CYLC1: variants seen among roughly 807,000 people sequenced by gnomAD.
CYLC1 encodes cylicin 1.
In CYLC1, 2 loss-of-function variants were observed where a neutral mutation model predicts 31.6. That is an observed-to-expected ratio of 0.06 (90% CI 0.03 to 0.20). The LOEUF is 0.20. Among genes scored for constraint, CYLC1 ranks in the 10% least tolerant of loss-of-function variants. CYLC1 has a pLI of 1.00. For missense variants in CYLC1, 595 were observed against 424.1 expected (o/e 1.40, Z -3.54); for synonymous variants, 185 against 153.0 (o/e 1.21, Z -1.54).
At chrX:83,882,098 C>G (rs1315726325) in intron 4 of CYLC1, among the ~76,000 whole-genome samples, 1 of 111,154 alleles carries the variant, frequency 9.0e-6, no homozygotes, top group Non-Finnish European at 1.9e-5. Context: ...AACTGAATGC[C>G]CCAGACAGAC....
chrX:83,871,630 TA>T, intron 3 of CYLC1, 60 bp downstream of exon 3: 3 of 1,050,242 alleles, frequency 2.9e-6, no homozygotes, highest in Non-Finnish European at 3.9e-6. Context: ...CATATATAAA[TA>T]TAAGTAAGGC....
At position 83,869,847 on chromosome X, in the gene CYLC1, A is replaced by G. The variant is rs1341119515; in HGVS notation, c.18-18A>G. 30 of 782,233 alleles carry G rather than the reference A, an allele frequency of 3.8e-5. No homozygotes were observed. The highest frequency in any genetic ancestry group is 4.9e-5 in the Non-Finnish European group (29 of 588,774). The allele number at this position is 782,233 out of a possible 1,213,427, so 64.5% of individuals were successfully genotyped here. A position where few individuals can be genotyped will look rare whatever the true frequency, so the allele number is the denominator to read the frequency against. On this transcript the variant is annotated intron_variant, in intron 1 of 4. Coordinates refer to ENST00000329312, the MANE Select transcript of CYLC1 (RefSeq NM_021118.3). ...CCCATAATACAAATTTAATTAAAGC[A>G]TTTTCTTCTTTTAATAGGCTAAAAG...
At position 83,874,025 on chromosome X, in the gene CYLC1, T is replaced by A. The variant is rs1267522922; in HGVS notation, c.1317T>A (p.Asn439Lys). 9.2e-6 allele frequency: 11 copies of A among 1,197,944 alleles called. No individual in the cohort carries two copies. Among genetic ancestry groups the A allele is most frequent in the Middle Eastern group, 2.3e-4 (1 of 4,300 alleles). ...SKTDNKKSVKNDEESTDADSE... is the reference protein window; with the variant it reads ...SKTDNKKSVKKDEESTDADSE... ...CAGATAATAAAAAGTCTGTCAAGAA[T>A]GATGAAGAGTCTACTGATGCTGACT... Residue 439 changes from asparagine (N) to lysine (K), a missense_variant, in exon 4 of 5, where the codon AAT (asparagine) becomes AAA (lysine). Physicochemically the swap from Asn to Lys is moderately conservative, Grantham distance 94. Coordinates refer to ENST00000329312, the MANE Select transcript of CYLC1 (RefSeq NM_021118.3).
chrX:83,879,043 C>T (rs2031872813), intron 4 of CYLC1, among the ~76,000 whole-genome samples: 1 of 109,716 alleles, frequency 9.1e-6, no homozygotes, highest in Non-Finnish European at 1.9e-5. Flanking sequence ...GTTTATAAAT[C>T]TTAGCAATAT....
intron 4 of CYLC1, 75 bp from the exon 5 acceptor site, chrX:83,886,477 C>G: frequency 1.0e-6 from 1 of 962,477 alleles, no homozygotes; most frequent in South Asian, 2.0e-5. Flanking sequence ...TGATCCTTAA[C>G]ACATCATAGT....
intron 4 of CYLC1, among the ~76,000 whole-genome samples, chrX:83,879,081 T>C (rs1311708798): frequency 9.0e-6 from 1 of 110,724 alleles, no homozygotes; most frequent in Non-Finnish European, 1.9e-5. Flanking sequence ...GAATTCTTTA[T>C]ATTCCAGATG....
At chrX:83,878,025 T>C (rs1379575341) in intron 4 of CYLC1, among the ~76,000 whole-genome samples, 1 of 68,569 alleles carries the variant, frequency 1.5e-5, no homozygotes, top group Non-Finnish European at 2.5e-5. Context: ...TAAAAATATA[T>C]ATATTTGTAT....
Position 83,873,680 on chromosome X carries a change from G to A in CYLC1, c.972G>A (p.Lys324=). Residue 324 remains lysine (K), a synonymous_variant, in exon 4 of 5, where the codon AAG becomes AAA. Coordinates refer to ENST00000329312, the MANE Select transcript of CYLC1 (RefSeq NM_021118.3). ...ATGTCAAGAAAGATGACAAGAAAAA[G>A]GATGTAAAGAAGGACACAGAGTCTA... ...KKNVKKDDKK[K]DVKKDTESTD... is the part of the protein sequence containing the mutation. 1 of 1,201,853 alleles carries A rather than the reference G, an allele frequency of 8.3e-7. No homozygotes were observed. Among genetic ancestry groups the A allele is most frequent in the Non-Finnish European group, 1.1e-6 (1 of 891,024 alleles).
rs745675150 is a variant in CYLC1, at chrX:83,873,406, C to T, written c.698C>T (p.Pro233Leu). The change falls in exon 4 of 5, where the codon CCC becomes CTC. Residue 233 changes from proline to leucine, a missense_variant. Coordinates refer to ENST00000329312, the MANE Select transcript of CYLC1 (RefSeq NM_021118.3). The stretch of plus-strand genomic sequence containing the variant: ...AAGAGGTCAAAGACTAGTAATGATC[C>T]CATATCAGAGATTTGCTCAGAAAAT... ...DLKRSKTSND[P>L]ISEICSENSL... The T allele has an allele frequency of 9.5e-5, 114 of 1,201,705 alleles. No individual in the cohort carries two copies. Among genetic ancestry groups the T allele is most frequent in the South Asian group, 1.4e-4 (8 of 55,404 alleles).
Position 83,874,195 on chromosome X carries a change from A to G in CYLC1, c.1487A>G (p.Lys496Arg), listed in dbSNP as rs975003503. 4 of 1,204,198 alleles carry G rather than the reference A, an allele frequency of 3.3e-6. No homozygotes were observed. Among genetic ancestry groups the G allele is most frequent in the African/African-American group, 3.5e-5 (2 of 56,793 alleles). The change falls in exon 4 of 5, where the codon AAG becomes AGG. Residue 496 changes from lysine (K) to arginine (R), a missense_variant. Transcript: ENST00000329312. ...MESDLELKKD[K>R]KHSKEKKGSK... ...TCTGATTTGGAGTTAAAGAAGGACA[A>G]GAAACACTCAAAGGAAAAGAAAGGT... is the stretch of plus-strand genomic sequence containing the variant.
Position 83,872,924 on chromosome X carries a change from A to T in CYLC1, c.216A>T (p.Pro72=). The part of the protein sequence containing the change: ...DKRKLEEGQK[P]AHKWIRHSFR... Reference sequence around the variant, plus strand: ...GAAAACTAGAAGAAGGCCAGAAACCAGCTCATAAATGGATAAGGCATTCTT... The same window carrying T: ...GAAAACTAGAAGAAGGCCAGAAACCTGCTCATAAATGGATAAGGCATTCTT... The change falls in exon 4 of 5, where the codon CCA becomes CCT. Residue 72 remains proline (P), a synonymous_variant. Coordinates refer to ENST00000329312, the MANE Select transcript of CYLC1 (RefSeq NM_021118.3). The T allele has an allele frequency of 8.4e-7, 1 of 1,184,994 alleles. No homozygotes were observed. Among genetic ancestry groups the T allele is most frequent in the Non-Finnish European group, 1.1e-6 (1 of 886,593 alleles).
chrX:83,872,829 A>C, intron 3 of CYLC1, 57 bp from the exon 4 acceptor site: 2 of 879,054 alleles, frequency 2.3e-6, no homozygotes, highest in Non-Finnish European at 3.1e-6. Flanking sequence ...TTTATGTTTC[A>C]ATATAGAAAG....
intron 4 of CYLC1, among the ~76,000 whole-genome samples, chrX:83,881,016 A>G (rs2031900008): frequency 8.9e-6 from 1 of 111,815 alleles, no homozygotes; most frequent in African/African-American, 3.3e-5. Flanking sequence ...TAAAAAGCTT[A>G]TCTTTCAATT....
chrX:83,870,160 A>G (rs1163538250), intron 2 of CYLC1, among the ~76,000 whole-genome samples: 2 of 111,803 alleles, frequency 1.8e-5, no homozygotes, highest in African/African-American at 6.5e-5. Context: ...GTTCTCCTTC[A>G]TAATACAAAC....
Position 83,874,169 on chromosome X carries a change from A to G in CYLC1, c.1461A>G (p.Glu487=). 1 of 1,203,704 alleles carries G rather than the reference A, an allele frequency of 8.3e-7. No homozygotes were observed. Among genetic ancestry groups the G allele is most frequent in the South Asian group, 1.8e-5 (1 of 55,445 alleles). Residue 487 remains glutamate (E), a synonymous_variant, in exon 4 of 5, where the codon GAA becomes GAG. Transcript: ENST00000329312. ...AKKNAESTEM[E]SDLELKKDKK... is the part of the protein sequence containing the mutation. ...AAAATGCAGAATCTACTGAAATGGA[A>G]TCTGATTTGGAGTTAAAGAAGGACA...
intron 1 of CYLC1, among the ~76,000 whole-genome samples, chrX:83,864,268 C>T (rs1224324130): frequency 9.0e-6 from 1 of 111,128 alleles, no homozygotes; most frequent in Admixed American, 9.6e-5. Context: ...CGACTCATAA[C>T]ACAGGATTGG....
intron 1 of CYLC1, among the ~76,000 whole-genome samples, chrX:83,865,735 T>G (rs769090241): frequency 9.0e-6 from 1 of 111,520 alleles, no homozygotes; most frequent in East Asian, 2.8e-4. Context: ...GTTGTCATAT[T>G]GCATTTCTTC....
intron 1 of CYLC1, among the ~76,000 whole-genome samples, chrX:83,868,653 C>T (rs1253750953): frequency 9.0e-6 from 1 of 110,846 alleles, no homozygotes; most frequent in Non-Finnish European, 1.9e-5. Context: ...ATTGAAAACA[C>T]CATGTTTCCC....
chrX:83,885,411 C>T (rs1047984029), intron 4 of CYLC1, among the ~76,000 whole-genome samples: 4 of 109,531 alleles, frequency 3.7e-5, no homozygotes, highest in South Asian at 3.8e-4. Context: ...AATATATTGA[C>T]GATGATTAGT....
Sources: gnomAD v4.1 joint callset for allele counts (sites outside exome capture counted in the v4.1 genomes callset) on GRCh38, gnomAD v4.1.1 for gene constraint, MANE v1.5 for transcripts, NCBI Gene and HGNC (gene_info 2026-07-23, HGNC 2026-07-21) for gene names.